AKAP19: variants seen among roughly 807,000 people sequenced by gnomAD.
The protein encoded by AKAP19 is small A-kinase anchoring protein.
chr2:189,936,373 T>C, the AKAP19 span, among the ~76,000 whole-genome samples: 1 of 152,210 alleles, frequency 6.6e-6, no homozygotes, highest in Non-Finnish European at 1.5e-5. Flanking sequence ...ACAGTGCCTC[T>C]CATACTTTGA....
the AKAP19 span, chr2:189,879,930 GCAGGCCCCTC>G: frequency 1.3e-5 from 2 of 152,420 alleles, no homozygotes; most frequent in Non-Finnish European, 2.9e-5. Flanking sequence ...AGTCAGACCT[GCAGGCCCCTC>G]TTGAACATGT....
chr2:189,968,661 T>G, the AKAP19 span, among the ~76,000 whole-genome samples: 1 of 152,104 alleles, frequency 6.6e-6, no homozygotes, highest in South Asian at 2.1e-4. Flanking sequence ...GCAGAAAGGT[T>G]GAGAGTAGAA....
chr2:190,074,839 A>G, the AKAP19 span, among the ~76,000 whole-genome samples: 1 of 152,210 alleles, frequency 6.6e-6, no homozygotes, highest in African/African-American at 2.4e-5. Flanking sequence ...GAAAGCAGGG[A>G]CAATTTTATA....
the AKAP19 span, among the ~76,000 whole-genome samples, chr2:189,931,726 C>T: frequency 1.3e-5 from 2 of 152,110 alleles, no homozygotes; most frequent in Non-Finnish European, 2.9e-5. Context: ...TCAGGTGATT[C>T]TCCCACCTCA....
the AKAP19 span, among the ~76,000 whole-genome samples, chr2:190,027,289 G>C: frequency 6.6e-6 from 1 of 152,182 alleles, no homozygotes; most frequent in African/African-American, 2.4e-5. Flanking sequence ...GAACCATGTG[G>C]TGGCTATGTA....
chr2:190,069,175 T>TGTGTGTGTGTGTGTGTGA, the AKAP19 span, among the ~76,000 whole-genome samples: 2 of 123,504 alleles, frequency 1.6e-5, no homozygotes, highest in African/African-American at 6.5e-5. Context: ...TGTGTGTGTG[T>TGTGTGTGTGTGTGTGTGA]GAGAGAGAGA....
the AKAP19 span, among the ~76,000 whole-genome samples, chr2:190,101,187 G>A: frequency 6.6e-6 from 1 of 152,196 alleles, no homozygotes; most frequent in Non-Finnish European, 1.5e-5. Context: ...AGAGACTGAA[G>A]TGCTTGCTCT....
chr2:190,133,888 T>G, the AKAP19 span, among the ~76,000 whole-genome samples: 1 of 152,168 alleles, frequency 6.6e-6, no homozygotes. Context: ...AAATTTCGGT[T>G]ATGAGAAATA....
At chr2:190,197,504 T>C in the AKAP19 span, among the ~76,000 whole-genome samples, 2 of 152,198 alleles carry the variant, frequency 1.3e-5, no homozygotes, top group African/African-American at 4.8e-5. The surrounding 1 kb of genome is among the most constrained non-coding windows in gnomAD (Gnocchi z 4.0). Context: ...CTCTTCCCAA[T>C]CTTGAACTCT....
chr2:189,901,446 T>C, the AKAP19 span, among the ~76,000 whole-genome samples: 1 of 152,122 alleles, frequency 6.6e-6, no homozygotes, highest in East Asian at 1.9e-4. Flanking sequence ...CAAGCTATTC[T>C]CCTGCCTCAG....
chr2:190,045,001 C>T, the AKAP19 span, among the ~76,000 whole-genome samples: 13 of 151,736 alleles, frequency 8.6e-5, no homozygotes, highest in African/African-American at 3.1e-4. Flanking sequence ...CACTGGGGTT[C>T]CACTTCAGCC....
At chr2:190,069,171 TGTGTGAGAGAGA>T in the AKAP19 span, among the ~76,000 whole-genome samples, 6 of 129,222 alleles carry the variant, frequency 4.6e-5, no homozygotes, top group Admixed American at 3.2e-4. Context: ...TGTGTGTGTG[TGTGTGAGAGAGA>T]GAGAGAGAGA....
the AKAP19 span, among the ~76,000 whole-genome samples, chr2:190,038,941 T>TTCTTCC: frequency 1.4e-3 from 204 of 143,996 alleles, 2 homozygotes; most frequent in African/African-American, 5.4e-3. Context: ...CTTCTTCTTC[T>TTCTTCC]TCTTCTTCTT....
the AKAP19 span, among the ~76,000 whole-genome samples, chr2:190,110,082 A>G: frequency 6.6e-6 from 1 of 152,212 alleles, no homozygotes; most frequent in African/African-American, 2.4e-5. Context: ...ATGGGTCAAG[A>G]ACCACATATT....
chr2:189,947,266 C>T, the AKAP19 span, among the ~76,000 whole-genome samples: 1 of 152,168 alleles, frequency 6.6e-6, no homozygotes, highest in Non-Finnish European at 1.5e-5. Context: ...CATCCTATTC[C>T]ATTTGCACAT....
chr2:189,956,420 C>T, the AKAP19 span, among the ~76,000 whole-genome samples: 1 of 151,830 alleles, frequency 6.6e-6, no homozygotes, highest in Non-Finnish European at 1.5e-5. Context: ...CCGCCCGCCT[C>T]GGCCTCCCAA....
chr2:189,981,833 A>G, the AKAP19 span, among the ~76,000 whole-genome samples: 10 of 152,228 alleles, frequency 6.6e-5, no homozygotes, highest in Non-Finnish European at 1.3e-4. Context: ...ATAGCCCCCA[A>G]TCTCATCTGG....
At chr2:190,181,247 T>C in the AKAP19 span, 1,536 of 705,030 alleles carry the variant, frequency 2.2e-3, 18 homozygotes, top group African/African-American at 0.023. Context: ...GAGACCGTTC[T>C]CAGCCAGCTG....
chr2:189,943,326 G>C, the AKAP19 span, among the ~76,000 whole-genome samples: 1 of 152,218 alleles, frequency 6.6e-6, no homozygotes, highest in Admixed American at 6.5e-5. Context: ...TGCTACTTCA[G>C]AGTATGCAAG....
Sources: gnomAD v4.1 joint callset for allele counts (sites outside exome capture counted in the v4.1 genomes callset) on GRCh38, gnomAD v4.1.1 for gene constraint, Gnocchi (gnomAD v3.1) non-coding constraint, MANE v1.5 for transcripts, NCBI Gene and HGNC (gene_info 2026-07-23, HGNC 2026-07-21) for gene names.